The following KIAA0825 variants were observed in gnomAD, a reference collection of about 807,000 sequenced individuals.
The protein encoded by KIAA0825 is KIAA0825.
A neutral mutation model predicts 147.6 loss-of-function variants in KIAA0825; 119 were observed. The observed-to-expected ratio is 0.81, with a 90% CI of 0.69 to 0.94. KIAA0825 has a LOEUF of 0.94. Ranked by LOEUF, KIAA0825 falls within the 40% of genes least tolerant of loss-of-function variation. The pLI, the probability that KIAA0825 is intolerant of heterozygous loss-of-function variation, is 0.00. For synonymous variants in KIAA0825, 470 were observed against 518.1 expected, an observed-to-expected ratio of 0.91 and a Z score of 1.26; for missense variants, 1,381 against 1,472.7, an observed-to-expected ratio of 0.94 and a Z score of 1.02.
At chr5:94,239,078 TAAAAC>T (rs1336036987) in intron 20 of KIAA0825, among the ~76,000 whole-genome samples, 2 of 152,168 alleles carry the variant, frequency 1.3e-5, no homozygotes, top group Non-Finnish European at 2.9e-5. Flanking sequence ...GTTTTTCTGT[TAAAAC>T]AACAGAATGC....
At chr5:94,325,104 C>A (rs1780553667) in intron 20 of KIAA0825, among the ~76,000 whole-genome samples, 1 of 151,952 alleles carries the variant, frequency 6.6e-6, no homozygotes, top group Non-Finnish European at 1.5e-5. Context: ...TGAAAACATT[C>A]AGTGAATTCA....
intron 1 of KIAA0825, among the ~76,000 whole-genome samples, chr5:94,598,080 T>C (rs1466936157): frequency 1.3e-5 from 2 of 152,134 alleles, no homozygotes; most frequent in East Asian, 3.8e-4. Context: ...GTAAAAAGTA[T>C]TTTTCTTTTG....
chr5:94,182,250 C>CTTTTTTTTTTTTTTT (rs771486226), intron 20 of KIAA0825, among the ~76,000 whole-genome samples: 3,986 of 38,282 alleles, frequency 0.1, 1,695 homozygotes, highest in Middle Eastern at 0.15. Context: ...AATGTCCCTT[C>CTTTTTTTTTTTTTTT]TTTTTTTTTT....
intron 13 of KIAA0825, among the ~76,000 whole-genome samples, chr5:94,444,922 A>C (rs1757545639): frequency 6.6e-6 from 1 of 152,136 alleles, no homozygotes. Flanking sequence ...GTAATTTATA[A>C]AGAGGTTTAA....
chr5:94,272,942 G>T (rs1430471838), intron 20 of KIAA0825, among the ~76,000 whole-genome samples: 2 of 152,192 alleles, frequency 1.3e-5, no homozygotes, highest in African/African-American at 4.8e-5. Flanking sequence ...ACATAGCTCA[G>T]TGACTAGCAC....
chr5:94,338,695 A>C (rs1782059027), intron 20 of KIAA0825, among the ~76,000 whole-genome samples: 1 of 152,168 alleles, frequency 6.6e-6, no homozygotes, highest in Non-Finnish European at 1.5e-5. Flanking sequence ...GGAGCAACAG[A>C]CTATATCATA....
intron 20 of KIAA0825, among the ~76,000 whole-genome samples, chr5:94,300,291 A>T (rs1012797091): frequency 6.6e-6 from 1 of 152,110 alleles, no homozygotes; most frequent in Non-Finnish European, 1.5e-5. Context: ...AGATCTAGTT[A>T]TTCATTTTTA....
intron 20 of KIAA0825, among the ~76,000 whole-genome samples, chr5:94,284,789 C>T (rs1777597776): frequency 6.6e-6 from 1 of 152,134 alleles, no homozygotes; most frequent in Non-Finnish European, 1.5e-5. Flanking sequence ...CTCTGTGCAG[C>T]ATCCTTTGAT....
intron 14 of KIAA0825, among the ~76,000 whole-genome samples, chr5:94,433,402 C>A (rs1200502879): frequency 6.6e-6 from 1 of 152,146 alleles, no homozygotes; most frequent in Non-Finnish European, 1.5e-5. Context: ...AGATATTTTT[C>A]TTTGTTATCT....
intron 20 of KIAA0825, among the ~76,000 whole-genome samples, chr5:94,244,765 A>C (rs927266772): frequency 1.2e-4 from 18 of 152,200 alleles, no homozygotes; most frequent in Non-Finnish European, 2.5e-4. Context: ...AGTAGGGAGT[A>C]ACCTTTAGGT....
chr5:94,297,905 T>C (rs1778209175), intron 20 of KIAA0825, among the ~76,000 whole-genome samples: 1 of 149,904 alleles, frequency 6.7e-6, no homozygotes, highest in South Asian at 2.2e-4. Flanking sequence ...GTCATCACTA[T>C]TATTATTTTC....
chr5:94,415,374 G>T (rs757377123), intron 15 of KIAA0825: 53 of 152,166 alleles, frequency 3.5e-4, no homozygotes, highest in African/African-American at 1.2e-3. Context: ...TGTCTCAGCT[G>T]TATTACTTGT....
At chr5:94,407,358 G>A (rs898954938) in intron 15 of KIAA0825, among the ~76,000 whole-genome samples, 1 of 152,178 alleles carries the variant, frequency 6.6e-6, no homozygotes, top group African/African-American at 2.4e-5. Context: ...ATATCCAGAA[G>A]AAGATTTTTT....
At chr5:94,385,515 C>T (rs1302681447) in intron 19 of KIAA0825, among the ~76,000 whole-genome samples, 7 of 152,180 alleles carry the variant, frequency 4.6e-5, no homozygotes, top group Non-Finnish European at 1.0e-4. Context: ...TTCTCTTCTG[C>T]CCTGTTAGTT....
chr5:94,280,235 C>T (rs1212494809), intron 20 of KIAA0825, among the ~76,000 whole-genome samples: 2 of 152,022 alleles, frequency 1.3e-5, no homozygotes, highest in South Asian at 2.1e-4. Context: ...AAACAACATG[C>T]CTGGTAGATC....
chr5:94,384,187 C>T (rs1427032190), intron 20 of KIAA0825, among the ~76,000 whole-genome samples, 181 bp downstream of exon 20: 1 of 151,864 alleles, frequency 6.6e-6, no homozygotes, highest in Non-Finnish European at 1.5e-5. Flanking sequence ...CTATAAATAG[C>T]CATATTTTTA....
chr5:94,167,541 A>G (rs1178695367), intron 20 of KIAA0825, among the ~76,000 whole-genome samples: 2 of 152,220 alleles, frequency 1.3e-5, no homozygotes, highest in African/African-American at 4.8e-5. Context: ...AGAGATCTTT[A>G]CAACCTTATT....
chr5:94,259,230 T>G (rs1404907956), intron 20 of KIAA0825, among the ~76,000 whole-genome samples: 1 of 152,208 alleles, frequency 6.6e-6, no homozygotes, highest in Admixed American at 6.5e-5. Context: ...CTGAAATAGC[T>G]TTGATCTCAG....
intron 20 of KIAA0825, among the ~76,000 whole-genome samples, chr5:94,258,424 T>G (rs1266871413): frequency 6.6e-6 from 1 of 152,014 alleles, no homozygotes; most frequent in Non-Finnish European, 1.5e-5. Context: ...AATAAGGCAT[T>G]TGCCAATAGA....
Sources: allele counts gnomAD v4.1 joint callset (sites outside exome capture counted in the v4.1 genomes callset), GRCh38; gene constraint gnomAD v4.1.1; transcripts MANE v1.5; gene names NCBI Gene and HGNC (gene_info 2026-07-23, HGNC 2026-07-21).